The following NARS2 variants were observed in gnomAD, a reference collection of about 807,000 sequenced individuals.
The protein encoded by NARS2 is asparaginyl-tRNA synthetase 2, mitochondrial.
NARS2 carries 60 observed loss-of-function variants against 62.9 expected under a neutral mutation model. That is an observed-to-expected ratio of 0.95 (90% CI 0.77 to 1.18). The LOEUF is 1.18. Among genes scored for constraint, NARS2 ranks in the 50% most tolerant of loss-of-function variants. The pLI is 0.00. For missense variants in NARS2, 619 were observed against 576.4 expected (o/e 1.07, Z -0.76); for synonymous variants, 196 against 200.0 (o/e 0.98, Z 0.17).
chr11:78,501,329 ATACTG>A (rs1225075169), intron 6 of NARS2, among the ~76,000 whole-genome samples: 1 of 152,210 alleles, frequency 6.6e-6, no homozygotes, highest in Non-Finnish European at 1.5e-5. Context: ...AGACTGGAAA[ATACTG>A]TATATAAAAT....
In NARS2 at chr11:78,528,875, A is replaced by G; in HGVS notation, c.656T>C (p.Val219Ala). 1 of 1,612,738 alleles carries G rather than the reference A, an allele frequency of 6.2e-7. No individual in the cohort carries two copies. Among genetic ancestry groups the G allele is most frequent in the South Asian group, 1.1e-5 (1 of 91,068 alleles). ...CACTTCTAGATGAAGTTGTCCTGAGACAGTTAAGAAAGCAGGAACATTGAA... is the reference window on the plus strand; with the variant it reads ...CACTTCTAGATGAAGTTGTCCTGAGGCAGTTAAGAAAGCAGGAACATTGAA... ...NFFNVPAFLT[V>A]SGQLHLEVMS... The change falls in exon 6 of 14, where the codon GTC becomes GCC. Residue 219 changes from valine to alanine, a missense_variant. Physicochemically the swap from Val to Ala is moderately conservative, Grantham distance 64. Coordinates refer to ENST00000281038, the MANE Select transcript of NARS2 (RefSeq NM_024678.6).
At chr11:78,443,605 T>C in intron 12 of NARS2, 56 bp downstream of exon 12, 1 of 1,329,788 alleles carries the variant, frequency 7.5e-7, no homozygotes, top group South Asian at 1.2e-5. Context: ...AATGACCACC[T>C]TTGAGCGCCT....
At chr11:78,478,802 A>C (rs1335950620) in intron 7 of NARS2, 119 bp from the exon 8 acceptor site, 5 of 493,170 alleles carry the variant, frequency 1.0e-5, no homozygotes, top group Non-Finnish European at 1.7e-5. Context: ...CAAGTCTTTT[A>C]ATCCTTGAAT....
At chr11:78,455,902 T>C (rs1159969210) in intron 11 of NARS2, among the ~76,000 whole-genome samples, 2 of 151,668 alleles carry the variant, frequency 1.3e-5, no homozygotes, top group African/African-American at 4.9e-5. Flanking sequence ...ATTATTGTTT[T>C]CTCTTTTGAA....
intron 5 of NARS2, among the ~76,000 whole-genome samples, chr11:78,556,664 T>G (rs1273536082): frequency 6.6e-6 from 1 of 152,264 alleles, no homozygotes; most frequent in Non-Finnish European, 1.5e-5. Flanking sequence ...TGCCTGATTC[T>G]TGAATGGCAA....
At chr11:78,526,859 G>A (rs1448643347) in intron 6 of NARS2, among the ~76,000 whole-genome samples, 1 of 152,122 alleles carries the variant, frequency 6.6e-6, no homozygotes, top group Non-Finnish European at 1.5e-5. Context: ...CTAAAAGGCT[G>A]TTAAGAAAGG....
intron 5 of NARS2, among the ~76,000 whole-genome samples, chr11:78,535,381 T>TA (rs919446603): frequency 3.3e-5 from 5 of 152,296 alleles, no homozygotes; most frequent in African/African-American, 1.2e-4. Context: ...TAAAAGAATA[T>TA]AAAAAACATT....
chr11:78,519,626 C>A (rs1309790722), intron 6 of NARS2, among the ~76,000 whole-genome samples: 1 of 151,890 alleles, frequency 6.6e-6, no homozygotes, highest in Non-Finnish European at 1.5e-5. Flanking sequence ...TACAGTAATC[C>A]ATTATATGAA....
chr11:78,501,213 C>T (rs956522514), intron 6 of NARS2, among the ~76,000 whole-genome samples: 4 of 152,166 alleles, frequency 2.6e-5, no homozygotes, highest in South Asian at 2.1e-4. Flanking sequence ...AGGAGTGACA[C>T]TGCTTTACAC....
At chr11:78,501,732 T>C (rs1860289971) in intron 6 of NARS2, among the ~76,000 whole-genome samples, 1 of 152,240 alleles carries the variant, frequency 6.6e-6, no homozygotes, top group African/African-American at 2.4e-5. Context: ...ATACTCCTTG[T>C]ATACTGTTGG....
At chr11:78,540,064 T>C (rs1368528435) in intron 5 of NARS2, among the ~76,000 whole-genome samples, 1 of 152,188 alleles carries the variant, frequency 6.6e-6, no homozygotes, top group Non-Finnish European at 1.5e-5. Flanking sequence ...CATATAAAAC[T>C]TACGTTAGTG....
intron 4 of NARS2, among the ~76,000 whole-genome samples, chr11:78,561,421 C>T (rs1856552407): frequency 1.3e-5 from 2 of 152,294 alleles, no homozygotes; most frequent in South Asian, 4.1e-4. Flanking sequence ...AGCAAAGGGG[C>T]TCCTAAGTAG....
chr11:78,469,412 G>A, intron 9 of NARS2, 99 bp from the exon 10 acceptor site: 2 of 797,982 alleles, frequency 2.5e-6, no homozygotes, highest in South Asian at 1.5e-5. Flanking sequence ...ATATCACACT[G>A]TGAGGTCATG....
chr11:78,493,236 G>A, intron 6 of NARS2, 41 bp from the exon 7 acceptor site: 1 of 1,533,432 alleles, frequency 6.5e-7, no homozygotes, highest in Non-Finnish European at 8.8e-7. Context: ...GAATTCACAT[G>A]ATTAATTTTA....
chr11:78,448,124 T>C (rs1413010119), intron 11 of NARS2, among the ~76,000 whole-genome samples: 2 of 152,194 alleles, frequency 1.3e-5, no homozygotes, highest in Non-Finnish European at 2.9e-5. Context: ...TACCACATTG[T>C]ATACACATAT....
chr11:78,436,446 C>T lies in NARS2; in HGVS notation c.*224G>A. On this transcript the variant is annotated 3_prime_UTR_variant, in exon 14 of 14. Transcript: ENST00000281038. ...ATTGAGGTAATGGATTTGAGAGTCCCCTTGCTATAAGTACCTCTTCTTGCG... is the reference window on the plus strand; with the variant it reads ...ATTGAGGTAATGGATTTGAGAGTCCTCTTGCTATAAGTACCTCTTCTTGCG... 2.1e-6 allele frequency: 1 copy of T among 479,818 alleles called. No homozygotes were observed. The highest frequency in any genetic ancestry group is 3.7e-6 in the Non-Finnish European group (1 of 269,182). 29.7% of individuals were successfully genotyped at this position (479,818 alleles called of 1,614,324 possible).
In NARS2 at chr11:78,571,365, T is replaced by C. The variant is rs1451234502; in HGVS notation, c.221A>G (p.Gln74Arg). Residue 74 changes from glutamine (Q) to arginine (R), a missense_variant, in exon 2 of 14, where the codon CAG (glutamine) becomes CGG (arginine). Coordinates refer to ENST00000281038, the MANE Select transcript of NARS2 (RefSeq NM_024678.6). The part of the protein sequence containing the change: ...VNDGSSLESL[Q>R]VVADSGLDSR... ...GTCAAGGCCTGAATCTGCAACAACC[T>C]GAAGGCTTTCCAAAGATGACCCATC... 6.2e-7 allele frequency: 1 copy of C among 1,613,638 alleles called. No individual in the cohort carries two copies. Among genetic ancestry groups the C allele is most frequent in the Non-Finnish European group, 8.5e-7 (1 of 1,179,806 alleles).
At chr11:78,450,665 T>C (rs893757450) in intron 11 of NARS2, among the ~76,000 whole-genome samples, 1 of 142,478 alleles carries the variant, frequency 7.0e-6, no homozygotes, top group South Asian at 2.2e-4. Flanking sequence ...AAAAGCCTTG[T>C]CTTTTTTTTT....
At chr11:78,560,929 G>A (rs1856535678) in intron 4 of NARS2, among the ~76,000 whole-genome samples, 1 of 152,262 alleles carries the variant, frequency 6.6e-6, no homozygotes, top group South Asian at 2.1e-4. Flanking sequence ...CTATGAACAT[G>A]AGTGCAGTAA....
Sources: gnomAD v4.1 joint callset for allele counts (sites outside exome capture counted in the v4.1 genomes callset) on GRCh38, gnomAD v4.1.1 for gene constraint, MANE v1.5 for transcripts, NCBI Gene and HGNC (gene_info 2026-07-23, HGNC 2026-07-21) for gene names.